DLAT: variants seen among roughly 807,000 people sequenced by gnomAD.
The protein encoded by DLAT is dihydrolipoamide S-acetyltransferase.
DLAT carries 43 observed loss-of-function variants against 68.0 expected under a neutral mutation model. That is an observed-to-expected ratio of 0.63 (90% confidence interval 0.50 to 0.81). DLAT has a LOEUF of 0.81. DLAT is among the 40% of genes least tolerant of loss of function. The pLI, the probability that DLAT is intolerant of heterozygous loss-of-function variation, is 0.00. For missense variants in DLAT, 745 were observed against 815.4 expected, an observed-to-expected ratio of 0.91 and a Z score of 1.05; for synonymous variants, 265 against 288.6, an observed-to-expected ratio of 0.92 and a Z score of 0.83.
chr11:112,051,530 T>C lies in DLAT; in HGVS notation c.1514+181T>C, dbSNP rs1455738150. ...GTTACTGCTTTTTACTTTTTTTTCT[T>C]ACTGGCCCCAATTTTCAACCTTGTT... On this transcript the variant is annotated intron_variant, in intron 11 of 13. Transcript: ENST00000280346. This position sits in a 1 kb window ranked among gnomAD's most constrained non-coding sequence, Gnocchi z 4.3. Among the ~76,000 whole-genome samples, 1 of 152,212 alleles carries C rather than the reference T, an allele frequency of 6.6e-6. No homozygotes were observed. Among genetic ancestry groups the C allele is most frequent in the Non-Finnish European group, 1.5e-5 (1 of 68,034 alleles).
chr11:112,027,502 G>A (rs1222178325), intron 2 of DLAT, among the ~76,000 whole-genome samples: 2 of 151,918 alleles, frequency 1.3e-5, no homozygotes, highest in East Asian at 3.9e-4. Flanking sequence ...CGGGGTGGCA[G>A]CCGGGCAGAG....
chr11:112,026,754 T>G (rs1174493350), intron 2 of DLAT, among the ~76,000 whole-genome samples: 1 of 152,206 alleles, frequency 6.6e-6, no homozygotes, highest in Non-Finnish European at 1.5e-5. Context: ...TTCTCAATCT[T>G]TTCCCCACCT....
chr11:112,036,201 GTTTTTTTT>G (rs1167345612), intron 5 of DLAT, among the ~76,000 whole-genome samples: 98 of 36,442 alleles, frequency 2.7e-3, no homozygotes, highest in East Asian at 7.5e-3. Context: ...GTGTGTGTGT[GTTTTTTTT>G]TTTTTTTTTT....
At chr11:112,060,939 T>A (rs1864569477) in intron 12 of DLAT, 99 bp from the exon 13 acceptor site, 3 of 1,095,462 alleles carry the variant, frequency 2.7e-6, no homozygotes, top group Non-Finnish European at 4.0e-6. Context: ...TCTTAAGACC[T>A]TGCACCTTTT....
At position 112,028,633 on chromosome 11, in the gene DLAT, T is replaced by C; in HGVS notation, c.500T>C (p.Val167Ala). ...ATCGGAGCGATCATCTGTATCACAGTTGGCAAGTGAGTAGTGCGCTCATAA... is the reference window on the plus strand; with the variant it reads ...ATCGGAGCGATCATCTGTATCACAGCTGGCAAGTGAGTAGTGCGCTCATAA... ...VPIGAIICITVGKPEDIEAFK... is the reference protein window; with the variant it reads ...VPIGAIICITAGKPEDIEAFK... Residue 167 changes from valine to alanine, a missense_variant, in exon 3 of 14, where the codon GTT becomes GCT. Transcript: ENST00000280346. The C allele has an allele frequency of 6.2e-7, 1 of 1,614,166 alleles. No individual in the cohort carries two copies. Among genetic ancestry groups the C allele is most frequent in the Non-Finnish European group, 8.5e-7 (1 of 1,180,038 alleles).
chr11:112,060,715 C>A (rs587617908), intron 12 of DLAT, among the ~76,000 whole-genome samples: 1 of 152,296 alleles, frequency 6.6e-6, no homozygotes, highest in Admixed American at 6.5e-5. Flanking sequence ...ATCCACCCGC[C>A]TCACCCTCTC....
rs1555179698 is a variant in DLAT, at chr11:112,028,872, C to A, written c.587C>A (p.Thr196Asn). 3.7e-6 allele frequency: 6 copies of A among 1,614,164 alleles called. No homozygotes were observed. The highest frequency in any genetic ancestry group is 2.2e-5 in the East Asian group (1 of 44,882). The change falls in exon 4 of 14, where the codon ACC becomes AAC. Residue 196 changes from threonine to asparagine, a missense_variant. Coordinates refer to ENST00000280346, the MANE Select transcript of DLAT (RefSeq NM_001931.5). ...APTPQAAPAPTPAATASPPTP... is the reference protein window; with the variant it reads ...APTPQAAPAPNPAATASPPTP... ...ACCCCACAAGCGGCCCCAGCACCAA[C>A]CCCTGCTGCCACTGCTTCGCCACCT...
At chr11:112,038,743 G>T (rs1231603687) in intron 6 of DLAT, among the ~76,000 whole-genome samples, 1 of 151,798 alleles carries the variant, frequency 6.6e-6, no homozygotes, top group African/African-American at 2.4e-5. Flanking sequence ...CTACTTGGGA[G>T]GCTGAGGCAG....
Position 112,033,502 on chromosome 11 carries a change from A to G in DLAT, c.759A>G (p.Ala253=), listed in dbSNP as rs914123181. 3.7e-6 allele frequency: 6 copies of G among 1,613,824 alleles called. No individual in the cohort carries two copies. In the Admixed American group the frequency reaches 5.0e-5, roughly 13 times the overall value. ...GEKLSEGDLL[A]EIETDKATIG... The stretch of plus-strand genomic sequence containing the variant: ...AGCTAAGTGAAGGAGACTTACTGGC[A>G]GAGATAGAAACTGACAAAGCCACTA... The change falls in exon 5 of 14, where the codon GCA becomes GCG. Residue 253 remains alanine (A), a synonymous_variant. Coordinates refer to ENST00000280346, the MANE Select transcript of DLAT (RefSeq NM_001931.5).
At chr11:112,031,885 GTTTTTTTTTTTTTTTTTTT>G (rs55866523) in intron 4 of DLAT, among the ~76,000 whole-genome samples, 1 of 45,352 alleles carries the variant, frequency 2.2e-5, no homozygotes, top group Admixed American at 4.3e-4. Flanking sequence ...GGTCTTTCCT[GTTTTTTTTTTTTTTTTTTT>G]TTTTTTTTTT....
Position 112,062,390 on chromosome 11 carries a change from CTT to C in DLAT, c.1815-14_1815-13del. 1.2e-6 allele frequency: 2 copies of C among 1,612,046 alleles called. No homozygotes were observed. The highest frequency in any genetic ancestry group is 1.7e-6 in the Non-Finnish European group (2 of 1,179,874). ...TTTTCTTTCAGAATATCTAAAATGT[CTT>C]TATCTTTTTCTAGGTTTGATGTGGC... On this transcript the variant is annotated splice_polypyrimidine_tract_variant and intron_variant, in intron 13 of 13. Coordinates refer to ENST00000280346, the MANE Select transcript of DLAT (RefSeq NM_001931.5).
At chr11:112,059,534 A>G (rs1864403487) in intron 11 of DLAT, among the ~76,000 whole-genome samples, 1 of 152,010 alleles carries the variant, frequency 6.6e-6, no homozygotes, top group African/African-American at 2.4e-5. Context: ...CTGGCACTAC[A>G]GCTGTGCACC....
intron 2 of DLAT, among the ~76,000 whole-genome samples, chr11:112,026,904 C>A (rs1239769261): frequency 6.6e-6 from 1 of 151,096 alleles, no homozygotes; most frequent in Non-Finnish European, 1.5e-5. Flanking sequence ...GGCAGAGGCG[C>A]CCCTCACCTC....
rs1167345612 is a variant in DLAT at position 112,036,201 on chromosome 11, G to GTTTTTTT, written c.788-1049_788-1043dup. 6.3e-3 allele frequency among the ~76,000 whole-genome samples: 229 copies of GTTTTTTT among 36,498 alleles called. 35 individuals carry two copies. Among genetic ancestry groups the GTTTTTTT allele is most frequent in the Non-Finnish European group, 9.4e-3 (186 of 19,694 alleles). The allele number at this position is 36,498 out of a possible 152,430, so 23.9% of individuals were successfully genotyped here. A position where few individuals can be genotyped will look rare whatever the true frequency, so the allele number is the denominator to read the frequency against. On this transcript the variant is annotated intron_variant, in intron 5 of 13. Coordinates refer to ENST00000280346, the MANE Select transcript of DLAT (RefSeq NM_001931.5). ...TGTGTGTGTGTGTGTGTGTGTGTGT[G>GTTTTTTT]TTTTTTTTTTTTTTTTTTTTTTTTT...
chr11:112,030,194 T>A, intron 4 of DLAT: 1 of 601,318 alleles, frequency 1.7e-6, no homozygotes, highest in Non-Finnish European at 3.2e-6. Context: ...CTTTGTATCC[T>A]ATTGGAACCC....
chr11:112,033,645 G>A lies in DLAT; in HGVS notation c.787+115G>A. On this transcript the variant is annotated intron_variant, in intron 5 of 13. Transcript: ENST00000280346. ...AATATGAAAACTTTATAATTCTTAG[G>A]ATTCATTTTCTGGGACAGAATATTT... The A allele has an allele frequency of 5.0e-6, 6 of 1,208,040 alleles. No individual in the cohort carries two copies. In the South Asian group the frequency reaches 8.1e-5, roughly 16 times the overall value. The allele number at this position is 1,208,040 out of a possible 1,614,324, so 74.8% of individuals were successfully genotyped here. A position where few individuals can be genotyped will look rare whatever the true frequency, so the allele number is the denominator to read the frequency against.
intron 5 of DLAT, among the ~76,000 whole-genome samples, chr11:112,036,147 ATATATATGTGTGTG>A (rs1409664050): frequency 2.7e-4 from 37 of 135,370 alleles, no homozygotes; most frequent in East Asian, 1.9e-3. Context: ...GTGTGTATAT[ATATATATGTGTGTG>A]TATATATGTG....
At chr11:112,033,268 G>T in intron 4 of DLAT, 136 bp from the exon 5 acceptor site, 1 of 1,023,758 alleles carries the variant, frequency 9.8e-7, no homozygotes, top group Non-Finnish European at 1.5e-6. Flanking sequence ...AGCTATTGAG[G>T]TGTGAAGCTT....
intron 8 of DLAT, among the ~76,000 whole-genome samples, chr11:112,044,138 T>C (rs1162209362): frequency 6.6e-6 from 1 of 152,256 alleles, no homozygotes; most frequent in Non-Finnish European, 1.5e-5. Flanking sequence ...TTGTTCTTTT[T>C]TTCTTTTTCA....
Sources: gnomAD v4.1 joint callset for allele counts (sites outside exome capture counted in the v4.1 genomes callset) on GRCh38, gnomAD v4.1.1 for gene constraint, Gnocchi (gnomAD v3.1) non-coding constraint, MANE v1.5 for transcripts, NCBI Gene and HGNC (gene_info 2026-07-23, HGNC 2026-07-21) for gene names.